ADAM29: variants seen among roughly 807,000 people sequenced by gnomAD.
ADAM29 encodes ADAM metallopeptidase domain 29.
For missense variants in ADAM29, 969 were observed against 1,001.8 expected (o/e 0.97, Z 0.44); for synonymous variants, 367 against 342.3 (o/e 1.07, Z -0.80).
At position 174,975,680 on chromosome 4, in the gene ADAM29, T is replaced by TCTCCTATATCCTGCC. The variant is rs1482129813; in HGVS notation, c.158_172dup (p.Ser53_Pro57dup). The TCTCCTATATCCTGCC allele has an allele frequency of 6.2e-7, 1 of 1,612,576 alleles. No individual in the cohort carries two copies. The highest frequency in any genetic ancestry group is 1.7e-5 in the Admixed American group (1 of 59,746). ...AGAGGCATGACACCTCCAGGCTGGCTCTCCTATATCCTGCCCTTTGGAGGC... is the reference window on the plus strand; with the variant it reads ...AGAGGCATGACACCTCCAGGCTGGCTCTCCTATATCCTGCCCTCCTATATCCTGCCCTTTGGAGGC... On this transcript the variant is annotated inframe_insertion, in exon 5 of 5. Coordinates refer to ENST00000359240, the MANE Select transcript of ADAM29 (RefSeq NM_014269.4).
chr4:174,976,648 T>G lies in ADAM29; in HGVS notation c.1123T>G (p.Trp375Gly), dbSNP rs776456944. 4.3e-6 allele frequency: 7 copies of G among 1,613,350 alleles called. No individual in the cohort carries two copies. Among genetic ancestry groups the G allele is most frequent in the South Asian group, 3.3e-5 (3 of 90,930 alleles). ...KFSNCSYGDFWEYTVERTKCL... is the reference protein window; with the variant it reads ...KFSNCSYGDFGEYTVERTKCL... ...TAGCAATTGTAGTTATGGTGATTTT[T>G]GGGAATATACTGTAGAGAGGACAAA... The change falls in exon 5 of 5, where the codon TGG becomes GGG. Residue 375 changes from tryptophan to glycine, a missense_variant. By Grantham distance (184) the Trp-to-Gly change is radical. Coordinates refer to ENST00000359240, the MANE Select transcript of ADAM29 (RefSeq NM_014269.4).
chr4:174,944,858 A>C (rs980465034), intron 4 of ADAM29, among the ~76,000 whole-genome samples: 4 of 152,106 alleles, frequency 2.6e-5, no homozygotes, highest in Non-Finnish European at 5.9e-5. Context: ...AAAGGTCATA[A>C]TCTCATTCTT....
At chr4:174,960,770 T>C (rs559608682) in intron 4 of ADAM29, among the ~76,000 whole-genome samples, 1 of 152,280 alleles carries the variant, frequency 6.6e-6, no homozygotes, top group South Asian at 2.1e-4. Flanking sequence ...TGTTTTGCAC[T>C]AACTTCCTGA....
Position 174,977,441 on chromosome 4 carries a change from A to G in ADAM29, c.1916A>G (p.Lys639Arg). 1 of 1,613,900 alleles carries G rather than the reference A, an allele frequency of 6.2e-7. No individual in the cohort carries two copies. The highest frequency in any genetic ancestry group is 2.2e-5 in the East Asian group (1 of 44,868). Reference protein sequence around the residue: ...FCNKRGICNNKHHCHCNYLWD... With the variant: ...FCNKRGICNNRHHCHCNYLWD... Reference sequence around the variant, plus strand: ...AACAAGAGGGGCATCTGCAACAATAAACATCACTGCCATTGCAATTATCTG... The same window carrying G: ...AACAAGAGGGGCATCTGCAACAATAGACATCACTGCCATTGCAATTATCTG... Residue 639 changes from lysine (K) to arginine (R), a missense_variant, in exon 5 of 5, where the codon AAA becomes AGA. Coordinates refer to ENST00000359240, the MANE Select transcript of ADAM29 (RefSeq NM_014269.4).
At chr4:174,952,528 A>G (rs1296808797) in intron 4 of ADAM29, among the ~76,000 whole-genome samples, 1 of 152,234 alleles carries the variant, frequency 6.6e-6, no homozygotes, top group African/African-American at 2.4e-5. Context: ...TATATTTTTT[A>G]AAGAACACCT....
At chr4:174,961,517 T>G (rs557019367) in intron 4 of ADAM29, among the ~76,000 whole-genome samples, 8 of 151,988 alleles carry the variant, frequency 5.3e-5, no homozygotes, top group African/African-American at 9.7e-5. Context: ...TTCGTGCTCA[T>G]TAGTACAAAT....
At chr4:174,921,163 G>C (rs948781186) in intron 2 of ADAM29, among the ~76,000 whole-genome samples, 6 of 152,096 alleles carry the variant, frequency 3.9e-5, no homozygotes, top group African/African-American at 7.2e-5. Flanking sequence ...TTATAAACAA[G>C]ATGTAAACAA....
intron 4 of ADAM29, among the ~76,000 whole-genome samples, chr4:174,942,697 T>TGA (rs1392448922): frequency 6.6e-6 from 1 of 152,142 alleles, no homozygotes; most frequent in Non-Finnish European, 1.5e-5. Flanking sequence ...GCTGTGAGGA[T>TGA]CTCTGAAATG....
Position 174,976,887 on chromosome 4 carries a change from G to A in ADAM29, c.1362G>A (p.Val454=), listed in dbSNP as rs1327519503. The A allele has an allele frequency of 3.7e-6, 6 of 1,614,212 alleles. No individual in the cohort carries two copies. Among genetic ancestry groups the A allele is most frequent in the Non-Finnish European group, 5.1e-6 (6 of 1,180,046 alleles). Residue 454 remains valine, a synonymous_variant, in exon 5 of 5, where the codon GTG becomes GTA. Coordinates refer to ENST00000359240, the MANE Select transcript of ADAM29 (RefSeq NM_014269.4). ...GCAAGTTCCTACCATCAGGGAAAGT[G>A]TGTAGAAAGGAGGTCAATGAATGTG... The part of the protein sequence containing the change: ...KDCKFLPSGK[V]CRKEVNECDL...
chr4:174,975,521 T>G lies in ADAM29; in HGVS notation c.-5T>G. 1.3e-6 allele frequency: 2 copies of G among 1,500,692 alleles called. No individual in the cohort carries two copies. Among genetic ancestry groups the G allele is most frequent in the Non-Finnish European group, 1.8e-6 (2 of 1,124,384 alleles). The allele number at this position is 1,500,692 out of a possible 1,614,324, so 93.0% of individuals were successfully genotyped here. On this transcript the variant is annotated 5_prime_UTR_variant, in exon 5 of 5. Coordinates refer to ENST00000359240, the MANE Select transcript of ADAM29 (RefSeq NM_014269.4). Reference sequence around the variant, plus strand: ...AAATCACTGTGATTTGAAGCCTTTTTGAACATGAAGATGTTACTCCTGCTG... The same window carrying G: ...AAATCACTGTGATTTGAAGCCTTTTGGAACATGAAGATGTTACTCCTGCTG...
At chr4:174,928,641 A>T (rs1743667948) in intron 2 of ADAM29, among the ~76,000 whole-genome samples, 1 of 151,818 alleles carries the variant, frequency 6.6e-6, no homozygotes, top group Non-Finnish European at 1.5e-5. Context: ...CTATTGCAAT[A>T]GGGGAGAGAG....
At chr4:174,946,906 T>C (rs1005571869) in intron 4 of ADAM29, among the ~76,000 whole-genome samples, 2 of 152,164 alleles carry the variant, frequency 1.3e-5, no homozygotes, top group Non-Finnish European at 2.9e-5. Context: ...TTTTTATTAC[T>C]GATTCAATTT....
rs952679492 is a variant in ADAM29 at position 174,920,701 on chromosome 4, A to G, written c.-542A>G. 2.0e-5 allele frequency: 3 copies of G among 152,164 alleles called. No individual in the cohort carries two copies. The highest frequency in any genetic ancestry group is 4.4e-5 in the Non-Finnish European group (3 of 68,010). The allele number at this position is 152,164 out of a possible 1,614,324, so 9.4% of individuals were successfully genotyped here. On this transcript the variant is annotated 5_prime_UTR_variant, in exon 2 of 5. In the 5' UTR this introduces an upstream ATG that the reference lacks. Coordinates refer to ENST00000359240, the MANE Select transcript of ADAM29 (RefSeq NM_014269.4). ...CATTCCCATAGCTTGCTGGATGAAT[A>G]AAGGAAAGAAGGTTTATATACACTA...
At chr4:174,959,969 A>G (rs1745715269) in intron 4 of ADAM29, among the ~76,000 whole-genome samples, 1 of 152,022 alleles carries the variant, frequency 6.6e-6, no homozygotes, top group Admixed American at 6.5e-5. Context: ...CTTTGTAACA[A>G]TGATTTTTAC....
At chr4:174,975,089 G>A (rs1481146395) in intron 4 of ADAM29, among the ~76,000 whole-genome samples, 1 of 152,118 alleles carries the variant, frequency 6.6e-6, no homozygotes, top group Non-Finnish European at 1.5e-5. Flanking sequence ...GAACTGTATA[G>A]TGAATCAATT....
At position 174,977,148 on chromosome 4, in the gene ADAM29, T is replaced by C. The variant is rs979175159; in HGVS notation, c.1623T>C (p.Tyr541=). Residue 541 remains tyrosine, a synonymous_variant, in exon 5 of 5, where the codon TAT becomes TAC. Transcript: ENST00000359240. ...ACTGTGGTATCAAAAATGCTACATA[T>C]ATAAAGTGTAATATCTCAGATGTCC... ...VGHCGIKNAT[Y]IKCNISDVQC... The C allele has an allele frequency of 1.2e-6, 2 of 1,614,028 alleles. No homozygotes were observed. The highest frequency in any genetic ancestry group is 1.6e-4 in the Middle Eastern group (1 of 6,082).
intron 4 of ADAM29, among the ~76,000 whole-genome samples, chr4:174,965,859 G>A (rs1746129594): frequency 6.6e-6 from 1 of 152,120 alleles, no homozygotes. Context: ...TTATGCTGAA[G>A]ATTAGGGCTT....
At chr4:174,934,062 C>T (rs563290014) in intron 3 of ADAM29, among the ~76,000 whole-genome samples, 2 of 152,270 alleles carry the variant, frequency 1.3e-5, no homozygotes, top group African/African-American at 4.8e-5. Flanking sequence ...CTGCTTTCCA[C>T]AATAGTTGAA....
At chr4:174,964,757 CTT>C (rs1450265045) in intron 4 of ADAM29, among the ~76,000 whole-genome samples, 6 of 152,086 alleles carry the variant, frequency 3.9e-5, no homozygotes, top group African/African-American at 7.2e-5. Context: ...TAAATATAAA[CTT>C]GAGTAAAACT....
Sources: allele counts gnomAD v4.1 joint callset (sites outside exome capture counted in the v4.1 genomes callset), GRCh38; gene constraint gnomAD v4.1.1; transcripts MANE v1.5; gene names NCBI Gene and HGNC (gene_info 2026-07-23, HGNC 2026-07-21).